Variants in PARD3 observed in about 807,000 individuals in gnomAD.
PARD3 encodes partitioning defective 3 homolog.
A neutral mutation model predicts 155.4 loss-of-function variants in PARD3; 75 were observed. The observed-to-expected ratio is 0.48, with a 90% CI of 0.40 to 0.58. PARD3 has a LOEUF of 0.58. Among genes scored for constraint, PARD3 ranks in the 20% least tolerant of loss-of-function variants. The probability of loss-of-function intolerance (pLI) is 0.00; values close to 1 mark genes in which losing one functional copy is unlikely to be tolerated. For synonymous variants in PARD3, 576 were observed against 610.5 expected, an observed-to-expected ratio of 0.94 and a Z score of 0.83; for missense variants, 1,642 against 1,721.7, an observed-to-expected ratio of 0.95 and a Z score of 0.82.
chr10:34,502,897 A>G (rs2133446452), intron 3 of PARD3, among the ~76,000 whole-genome samples: 1 of 152,358 alleles, frequency 6.6e-6, no homozygotes, highest in African/African-American at 2.4e-5. Context: ...GCACAGACAC[A>G]GGCCCATGCA....
rs57001926 is a variant in PARD3 at position 34,431,740 on chromosome 10, CAAAAAAAAAAA to C, written c.714+18566_714+18576del. 7.5e-4 allele frequency among the ~76,000 whole-genome samples: 19 copies of C among 25,178 alleles called. 1 individual carries two copies. Among genetic ancestry groups the C allele is most frequent in the Non-Finnish European group, 9.7e-4 (14 of 14,402 alleles). The allele number at this position is 25,178 out of a possible 152,430, so 16.5% of individuals were successfully genotyped here. On this transcript the variant is annotated intron_variant, in intron 5 of 24. Transcript: ENST00000374788. Reference sequence around the variant, plus strand: ...GGGTGACAGGAGCAAAACTCTGTCTCAAAAAAAAAAAAAAAAAAAAAAAAAAATGCCGGGTA... The same window carrying C: ...GGGTGACAGGAGCAAAACTCTGTCTCAAAAAAAAAAAAAAAATGCCGGGTA...
intron 2 of PARD3, among the ~76,000 whole-genome samples, chr10:34,590,534 G>A (rs2088578634): frequency 6.6e-6 from 1 of 152,128 alleles, no homozygotes. Flanking sequence ...AACTGGGAGT[G>A]GGCAGAGTGG....
intron 2 of PARD3, among the ~76,000 whole-genome samples, chr10:34,532,947 A>G (rs999987051): frequency 6.6e-5 from 10 of 152,212 alleles, no homozygotes; most frequent in African/African-American, 2.4e-4. Flanking sequence ...GGTATACCCT[A>G]TTACACACCT....
chr10:34,275,565 T>G (rs1165815689), intron 21 of PARD3, among the ~76,000 whole-genome samples: 1 of 152,226 alleles, frequency 6.6e-6, no homozygotes, highest in Non-Finnish European at 1.5e-5. Flanking sequence ...ATTTATTATA[T>G]TCTTTGATAT....
intron 2 of PARD3, among the ~76,000 whole-genome samples, chr10:34,584,590 A>C (rs944102106): frequency 4.6e-5 from 7 of 152,180 alleles, no homozygotes; most frequent in African/African-American, 1.4e-4. Flanking sequence ...GAGTTTCCTA[A>C]TAATTCACAT....
intron 1 of PARD3, among the ~76,000 whole-genome samples, chr10:34,756,650 C>T (rs1436456408): frequency 6.6e-6 from 1 of 151,628 alleles, no homozygotes; most frequent in Non-Finnish European, 1.5e-5. Context: ...GATGGGGTCT[C>T]ACTACATTGC....
intron 1 of PARD3, among the ~76,000 whole-genome samples, chr10:34,802,380 A>G (rs748916576): frequency 6.6e-6 from 1 of 152,248 alleles, no homozygotes; most frequent in Non-Finnish European, 1.5e-5. Flanking sequence ...TAGCCATTAA[A>G]ATTTTGCCTA....
chr10:34,179,573 A>G (rs1440845425), intron 22 of PARD3, among the ~76,000 whole-genome samples: 1 of 152,250 alleles, frequency 6.6e-6, no homozygotes, highest in Admixed American at 6.5e-5. Flanking sequence ...TCCCTTCGCT[A>G]AAAAGAAACT....
chr10:34,201,649 G>A (rs1951217808), intron 22 of PARD3, among the ~76,000 whole-genome samples: 1 of 152,100 alleles, frequency 6.6e-6, no homozygotes, highest in African/African-American at 2.4e-5. Flanking sequence ...TTTGTGGTAT[G>A]AAGTTCTGTG....
chr10:34,698,489 G>A (rs2133504580), intron 1 of PARD3, among the ~76,000 whole-genome samples: 1 of 152,242 alleles, frequency 6.6e-6, no homozygotes, highest in Non-Finnish European at 1.5e-5. Context: ...TCTTCTCCAA[G>A]AGCTTTTCCT....
At chr10:34,470,941 C>T (rs1195481891) in intron 3 of PARD3, among the ~76,000 whole-genome samples, 1 of 152,038 alleles carries the variant, frequency 6.6e-6, no homozygotes, top group Non-Finnish European at 1.5e-5. Context: ...CTAGATTTGA[C>T]CATAACACAT....
At chr10:34,633,609 G>A (rs1160226601) in intron 2 of PARD3, among the ~76,000 whole-genome samples, 1 of 152,186 alleles carries the variant, frequency 6.6e-6, no homozygotes, top group African/African-American at 2.4e-5. Context: ...CCGTATCTTA[G>A]CTACAGTGAA....
chr10:34,483,730 T>C (rs1014008606), intron 3 of PARD3, among the ~76,000 whole-genome samples: 1 of 152,118 alleles, frequency 6.6e-6, no homozygotes, highest in Non-Finnish European at 1.5e-5. Flanking sequence ...TACAGTTGAT[T>C]CTAGTTTTGC....
At chr10:34,504,945 G>A (rs1454785897) in intron 3 of PARD3, among the ~76,000 whole-genome samples, 1 of 152,134 alleles carries the variant, frequency 6.6e-6, no homozygotes, top group Non-Finnish European at 1.5e-5. Flanking sequence ...AGGCTTTCAT[G>A]CTGACAAAAT....
intron 19 of PARD3, among the ~76,000 whole-genome samples, chr10:34,326,546 A>T (rs1462729419): frequency 6.6e-6 from 1 of 152,218 alleles, no homozygotes; most frequent in Non-Finnish European, 1.5e-5. Context: ...TGTTTTGCTT[A>T]TGATAAAATT....
At chr10:34,246,133 A>C (rs1328631577) in intron 22 of PARD3, among the ~76,000 whole-genome samples, 3 of 152,184 alleles carry the variant, frequency 2.0e-5, no homozygotes, top group African/African-American at 7.2e-5. Flanking sequence ...ACCTGAAAAG[A>C]ATTTTCTTCA....
chr10:34,622,835 T>C (rs562833647), intron 2 of PARD3, among the ~76,000 whole-genome samples: 48 of 147,632 alleles, frequency 3.3e-4, no homozygotes, highest in African/African-American at 1.0e-3. Context: ...TTCTTTTTTT[T>C]TTTTTTTTTT....
chr10:34,172,691 CT>C (rs1377850035), intron 22 of PARD3, among the ~76,000 whole-genome samples: 2 of 150,650 alleles, frequency 1.3e-5, no homozygotes, highest in Non-Finnish European at 2.9e-5. Context: ...TGTTACAAAT[CT>C]TCTGAGATTC....
intron 22 of PARD3, among the ~76,000 whole-genome samples, chr10:34,139,010 C>T (rs556802442): frequency 2.6e-4 from 39 of 151,786 alleles, no homozygotes; most frequent in Admixed American, 1.0e-3. Context: ...ATTTCTATCA[C>T]TCAGACAGTT....
Sources: gnomAD v4.1 joint callset for allele counts (sites outside exome capture counted in the v4.1 genomes callset) on GRCh38, gnomAD v4.1.1 for gene constraint, MANE v1.5 for transcripts, NCBI Gene and HGNC (gene_info 2026-07-23, HGNC 2026-07-21) for gene names.